ZNF649: variants seen among roughly 807,000 people sequenced by gnomAD.
ZNF649 encodes zinc finger protein 649.
In ZNF649, 7 loss-of-function variants were observed where a neutral mutation model predicts 14.1. That is an observed-to-expected ratio of 0.49 (90% CI 0.28 to 0.93). The LOEUF is 0.93. ZNF649 is among the 40% of genes least tolerant of loss of function. ZNF649 has a pLI of 0.10. For missense variants in ZNF649, 544 were observed against 608.1 expected (o/e 0.89, Z 1.11); for synonymous variants, 227 against 212.3 (o/e 1.07, Z -0.60).
chr19:51,894,229 T>A (rs2903547), intron 4 of ZNF649, among the ~76,000 whole-genome samples: 28,616 of 151,758 alleles, frequency 0.19, 3,238 homozygotes, highest in South Asian at 0.36. Flanking sequence ...GCCTCCCAGG[T>A]TCAAGCAATT....
rs1293179816 is a variant in ZNF649 at position 51,891,223 on chromosome 19, G to A, written c.913C>T (p.Leu305Phe). The change falls in exon 5 of 5, where the codon CTC (leucine) becomes TTC (phenylalanine). Residue 305 changes from leucine to phenylalanine, a missense_variant. Coordinates refer to ENST00000354957, the MANE Select transcript of ZNF649 (RefSeq NM_023074.4). The surrounding 1 kb of genome is among the most constrained non-coding windows in gnomAD (Gnocchi z 4.2). ...CGRAFSRKSL[L>F]VVHQRTHTGE... ...GTATGAGTTCGCTGATGTACAACGA[G>A]TAGTGATTTTCTGGAGAAAGCTCTC... The A allele has an allele frequency of 3.1e-6, 5 of 1,614,136 alleles. No homozygotes were observed. In the African/African-American group the frequency reaches 5.3e-5, roughly 17 times the overall value.
intron 1 of ZNF649, among the ~76,000 whole-genome samples, chr19:51,901,734 T>C (rs960833291): frequency 6.6e-6 from 1 of 152,054 alleles, no homozygotes; most frequent in Non-Finnish European, 1.5e-5. Context: ...GGTGGGCAGA[T>C]CACTTGAGCT....
At chr19:51,904,067 A>T (rs1318614237) in intron 1 of ZNF649, 1 of 153,054 alleles carries the variant, frequency 6.5e-6, no homozygotes, top group African/African-American at 2.4e-5. Context: ...AAATAAGGCA[A>T]ACGCCGAATG....
chr19:51,901,394 A>T (rs533634916), intron 1 of ZNF649, among the ~76,000 whole-genome samples: 115 of 152,332 alleles, frequency 7.5e-4, no homozygotes, highest in African/African-American at 2.7e-3. Context: ...GTTGAAACTT[A>T]ATCTCCAATG....
chr19:51,889,288 AATG>A lies in ZNF649; in HGVS notation c.*1327_*1329del, dbSNP rs2084998626. Reference sequence around the variant, plus strand: ...AGTGATATAATGTCCTTGAAGTTAGAATGATAAGTTCATGATTTTCTTTCAGTC... The same window carrying A: ...AGTGATATAATGTCCTTGAAGTTAGAATAAGTTCATGATTTTCTTTCAGTC... On this transcript the variant is annotated 3_prime_UTR_variant, in exon 5 of 5. Transcript: ENST00000354957. 1 of 152,218 alleles carries A rather than the reference AATG, an allele frequency of 6.6e-6. No homozygotes were observed. The highest frequency in any genetic ancestry group is 1.5e-5 in the Non-Finnish European group (1 of 68,036). The allele number at this position is 152,218 out of a possible 1,614,324, so 9.4% of individuals were successfully genotyped here.
chr19:51,898,667 C>T (rs1362316201), intron 2 of ZNF649, among the ~76,000 whole-genome samples: 2 of 151,808 alleles, frequency 1.3e-5, no homozygotes, highest in Admixed American at 1.3e-4. Context: ...AATCCCAACA[C>T]TTTGGGAGGC....
intron 2 of ZNF649, 65 bp downstream of exon 2, chr19:51,900,025 CTGA>C (rs1230266611): frequency 7.3e-7 from 1 of 1,378,340 alleles, no homozygotes; most frequent in East Asian, 2.4e-5. Context: ...TGTAAATGAA[CTGA>C]TTTCTTCAGA....
intron 1 of ZNF649, among the ~76,000 whole-genome samples, chr19:51,900,834 G>A (rs2085090199): frequency 6.6e-6 from 1 of 152,158 alleles, no homozygotes; most frequent in Non-Finnish European, 1.5e-5. Context: ...TGTTAGAAAA[G>A]GGGAGACAGG....
At chr19:51,900,028 AT>A in intron 2 of ZNF649, 64 bp downstream of exon 2, 1 of 1,402,948 alleles carries the variant, frequency 7.1e-7, no homozygotes, top group African/African-American at 1.4e-5. Context: ...AAATGAACTG[AT>A]TTCTTCAGAC....
intron 4 of ZNF649, among the ~76,000 whole-genome samples, chr19:51,892,124 C>T (rs954901353): frequency 6.6e-6 from 1 of 152,044 alleles, no homozygotes; most frequent in Non-Finnish European, 1.5e-5. Context: ...GCCTGTAATC[C>T]CAGCACTTTG....
rs2122753781 is a variant in ZNF649 at position 51,890,537 on chromosome 19, G to C, written c.*81C>G. 1.1e-6 allele frequency: 1 copy of C among 883,620 alleles called. No individual in the cohort carries two copies. The highest frequency in any genetic ancestry group is 2.9e-4 in the Middle Eastern group (1 of 3,466). 54.7% of individuals were successfully genotyped at this position (883,620 alleles called of 1,614,324 possible). ...CTTGTAAACCCTACTATACATATTA[G>C]TGCAGGGAGCCAAAGGCCCATGGGA... On this transcript the variant is annotated 3_prime_UTR_variant, in exon 5 of 5. Transcript: ENST00000354957.
At chr19:51,893,462 A>T (rs894191719) in intron 4 of ZNF649, among the ~76,000 whole-genome samples, 1 of 151,918 alleles carries the variant, frequency 6.6e-6, no homozygotes, top group African/African-American at 2.4e-5. Flanking sequence ...TCTGCGAATC[A>T]TCTTTTGTTA....
rs1159463187 is a variant in ZNF649, at chr19:51,890,531, A to C, written c.*87T>G. 1.8e-5 allele frequency: 15 copies of C among 815,776 alleles called. No homozygotes were observed. The highest frequency in any genetic ancestry group is 3.0e-5 in the Non-Finnish European group (15 of 503,942). 50.5% of individuals were successfully genotyped at this position (815,776 alleles called of 1,614,324 possible). A position where few individuals can be genotyped will look rare whatever the true frequency, so the allele number is the denominator to read the frequency against. ...TCATATCTTGTAAACCCTACTATAC[A>C]TATTAGTGCAGGGAGCCAAAGGCCC... is the stretch of plus-strand genomic sequence containing the variant. On this transcript the variant is annotated 3_prime_UTR_variant, in exon 5 of 5. Transcript: ENST00000354957.
In ZNF649 at chr19:51,891,740, A is replaced by G; in HGVS notation, c.396T>C (p.Phe132=). The change falls in exon 5 of 5, where the codon TTT becomes TTC. Residue 132 remains phenylalanine (F), a synonymous_variant. Coordinates refer to ENST00000354957, the MANE Select transcript of ZNF649 (RefSeq NM_023074.4). This position sits in a 1 kb window ranked among gnomAD's most constrained non-coding sequence, Gnocchi z 4.2. ...RRYNRKEPAE[F]NGDGAFLHDN... Reference sequence around the variant, plus strand: ...CATGGAGAAAAGCTCCATCTCCATTAAACTCAGCAGGCTCCTTTCTGTTGT... The same window carrying G: ...CATGGAGAAAAGCTCCATCTCCATTGAACTCAGCAGGCTCCTTTCTGTTGT... 1 of 1,613,554 alleles carries G rather than the reference A, an allele frequency of 6.2e-7. No individual in the cohort carries two copies. Among genetic ancestry groups the G allele is most frequent in the East Asian group, 2.2e-5 (1 of 44,886 alleles).
chr19:51,903,126 C>T (rs188905515), intron 1 of ZNF649, among the ~76,000 whole-genome samples: 1 of 152,258 alleles, frequency 6.6e-6, no homozygotes, highest in East Asian at 1.9e-4. Context: ...GTGGGACTTC[C>T]ATGCCCTCCA....
rs779861696 is a variant in ZNF649 at position 51,891,717 on chromosome 19, T to C, written c.419A>G (p.His140Arg). The C allele has an allele frequency of 3.7e-6, 6 of 1,613,528 alleles. No individual in the cohort carries two copies. The East Asian group carries it at 8.9e-5, about 24-fold the overall frequency. ...CGTAGGCATTTGTTCATGATTATCA[T>C]GGAGAAAAGCTCCATCTCCATTAAA... ...AEFNGDGAFLHDNHEQMPTEI... is the reference protein window; with the variant it reads ...AEFNGDGAFLRDNHEQMPTEI... Residue 140 changes from histidine to arginine, a missense_variant, in exon 5 of 5, where the codon CAT becomes CGT. His to Arg is a conservative substitution (Grantham distance 29). Coordinates refer to ENST00000354957, the MANE Select transcript of ZNF649 (RefSeq NM_023074.4). This position sits in a 1 kb window ranked among gnomAD's most constrained non-coding sequence, Gnocchi z 4.2.
chr19:51,899,436 G>C (rs1210500418), intron 2 of ZNF649, among the ~76,000 whole-genome samples: 1 of 152,132 alleles, frequency 6.6e-6, no homozygotes, highest in East Asian at 1.9e-4. Context: ...CCTGTTCATG[G>C]AGCTCCTTTG....
intron 2 of ZNF649, among the ~76,000 whole-genome samples, chr19:51,898,438 A>G (rs566618111): frequency 2.0e-4 from 30 of 152,278 alleles, no homozygotes; most frequent in Admixed American, 1.0e-3. Context: ...AGTTTATTAT[A>G]TAGGATACAA....
In ZNF649 at chr19:51,891,921, T is replaced by G. The variant is rs773229075; in HGVS notation, c.239-24A>C. ...TTCTAAGAGAGAGAACAATAAATCC[T>G]TCCATGATCATCACACGGAATAAAA... On this transcript the variant is annotated intron_variant, in intron 4 of 4. Coordinates refer to ENST00000354957, the MANE Select transcript of ZNF649 (RefSeq NM_023074.4). The surrounding 1 kb of genome is among the most constrained non-coding windows in gnomAD (Gnocchi z 4.2). 2 of 1,530,058 alleles carry G rather than the reference T, an allele frequency of 1.3e-6. No homozygotes were observed. Among genetic ancestry groups the G allele is most frequent in the African/African-American group, 2.8e-5 (2 of 71,994 alleles). The allele number at this position is 1,530,058 out of a possible 1,614,324, so 94.8% of individuals were successfully genotyped here.
Sources: allele counts gnomAD v4.1 joint callset (sites outside exome capture counted in the v4.1 genomes callset), GRCh38; gene constraint gnomAD v4.1.1; non-coding constraint Gnocchi (gnomAD v3.1); transcripts MANE v1.5; gene names NCBI Gene and HGNC (gene_info 2026-07-23, HGNC 2026-07-21).